The following ITFG2 variants were observed in gnomAD, a reference collection of about 807,000 sequenced individuals.
ITFG2 encodes integrin alpha FG-GAP repeat containing 2.
A neutral mutation model predicts 54.4 loss-of-function variants in ITFG2; 36 were observed. That is an observed-to-expected ratio of 0.66 (90% confidence interval 0.51 to 0.87). The LOEUF (loss-of-function observed/expected upper bound fraction) is 0.87. Ranked by LOEUF, ITFG2 falls within the 40% of genes least tolerant of loss-of-function variation. The probability of loss-of-function intolerance (pLI) is 0.00; values close to 1 mark genes in which losing one functional copy is unlikely to be tolerated. For synonymous variants in ITFG2, 211 were observed against 225.4 expected (o/e 0.94, Z 0.57); for missense variants, 524 against 576.7 (o/e 0.91, Z 0.94).
At chr12:2,837,471 C>T (rs894723123) in intron 1 of ITFG2, among the ~76,000 whole-genome samples, 16 of 151,284 alleles carry the variant, frequency 1.1e-4, no homozygotes, top group Admixed American at 9.9e-4. Context: ...GAGAGAGACT[C>T]CGTCTCAAAA....
At chr12:2,842,071 A>G (rs2098042419) in intron 2 of ITFG2, among the ~76,000 whole-genome samples, 2 of 150,162 alleles carry the variant, frequency 1.3e-5, no homozygotes, top group Admixed American at 6.6e-5. Context: ...TAAAAACAAT[A>G]ATATAATAAT....
At chr12:2,847,663 CAAAAA>C (rs76285511) in intron 2 of ITFG2, among the ~76,000 whole-genome samples, 4 of 83,114 alleles carry the variant, frequency 4.8e-5, no homozygotes, top group East Asian at 3.9e-4. Context: ...TAAGACTGTC[CAAAAA>C]AAAAAAAAAA....
At chr12:2,821,451 C>T in intron 7 of ITFG2, 92 bp downstream of exon 7, 2 of 1,558,322 alleles carry the variant, frequency 1.3e-6, no homozygotes, top group Non-Finnish European at 1.8e-6. Context: ...CATTTCGAGC[C>T]CTGTCCTTCC....
chr12:2,840,505 A>G (rs1489152623), intron 1 of ITFG2, among the ~76,000 whole-genome samples: 2 of 151,188 alleles, frequency 1.3e-5, no homozygotes, highest in East Asian at 3.9e-4. Flanking sequence ...CCATAAACTC[A>G]ATATAATTCT....
At chr12:2,859,397 TGGGGTG>T in intron 3 of ITFG2, 1 of 1,613,860 alleles carries the variant, frequency 6.2e-7, no homozygotes, top group Non-Finnish European at 8.5e-7. Flanking sequence ...TCTTGGGTCT[TGGGGTG>T]GGAGATTGGG....
At chr12:2,855,282 C>G in intron 2 of ITFG2, 1 of 1,520,164 alleles carries the variant, frequency 6.6e-7, no homozygotes, top group Non-Finnish European at 8.8e-7. Context: ...GGATGAGCCG[C>G]TGACGCACCT....
upstream of ITFG2, among the ~76,000 whole-genome samples, chr12:2,832,403 C>G (rs1410464210): frequency 6.6e-6 from 1 of 151,954 alleles, no homozygotes. Context: ...GCCTCCATGT[C>G]TTCACTCCTC....
At chr12:2,827,116 C>T, downstream of ITFG2, 2 of 1,587,262 alleles carry the variant, frequency 1.3e-6, no homozygotes, top group Admixed American at 1.8e-5. This position sits in a 1 kb window ranked among gnomAD's most constrained non-coding sequence, Gnocchi z 4.0. Context: ...CACCATAGTC[C>T]CCAGCTACCT....
chr12:2,853,771 A>G (rs2098078800), intron 2 of ITFG2, among the ~76,000 whole-genome samples: 1 of 151,988 alleles, frequency 6.6e-6, no homozygotes, highest in Non-Finnish European at 1.5e-5. Flanking sequence ...GTTGGGAAGC[A>G]TCCGTGAGTT....
chr12:2,858,442 A>C, intron 3 of ITFG2: 1 of 556,740 alleles, frequency 1.8e-6, no homozygotes, highest in Non-Finnish European at 3.2e-6. Flanking sequence ...CAGCAGAGGA[A>C]TCAGATACTC....
chr12:2,851,569 C>T (rs2098071112), intron 2 of ITFG2, among the ~76,000 whole-genome samples: 1 of 152,182 alleles, frequency 6.6e-6, no homozygotes, highest in South Asian at 2.1e-4. Flanking sequence ...CCTTGAACTC[C>T]TGACCTCAGG....
chr12:2,858,849 G>A lies in ITFG2; in HGVS notation n.620+518G>A, dbSNP rs771746117. 13 of 1,614,152 alleles carry A rather than the reference G, an allele frequency of 8.1e-6. No individual in the cohort carries two copies. Among genetic ancestry groups the A allele is most frequent in the Non-Finnish European group, 1.0e-5 (12 of 1,180,012 alleles). ...TGGCTTGGGGACGTCTATATCTGAG[G>A]GAGAAGAGTTGCCAAAGGGGACGGA... is the stretch of plus-strand genomic sequence containing the variant. On this transcript the variant is annotated intron_variant and non_coding_transcript_variant, in intron 3 of 3. Coordinates refer to the ITFG2 transcript ENST00000537710.
At chr12:2,844,638 C>T (rs1026566451) in intron 2 of ITFG2, among the ~76,000 whole-genome samples, 5 of 152,170 alleles carry the variant, frequency 3.3e-5, no homozygotes, top group Non-Finnish European at 5.9e-5. Context: ...ACAGGACCTA[C>T]CTTCAGCACT....
intron 2 of ITFG2, among the ~76,000 whole-genome samples, chr12:2,843,252 A>G (rs1043815844): frequency 6.6e-6 from 1 of 152,208 alleles, no homozygotes; most frequent in Admixed American, 6.5e-5. Flanking sequence ...GAAGACAGGA[A>G]TGAAGTTGTT....
At chr12:2,816,326 C>T (rs887188092) in intron 1 of ITFG2, among the ~76,000 whole-genome samples, 1 of 141,228 alleles carries the variant, frequency 7.1e-6, no homozygotes, top group Non-Finnish European at 1.5e-5. Flanking sequence ...TCACCGCACA[C>T]AGCCTTTTTT....
intron 3 of ITFG2, chr12:2,858,921 AG>A (rs745702333): frequency 1.2e-6 from 2 of 1,613,648 alleles, no homozygotes; most frequent in Non-Finnish European, 8.5e-7. Context: ...CGGTGATTCA[AG>A]GGGGGGAGCA....
At chr12:2,823,322 A>G (rs1442853498) in intron 10 of ITFG2, among the ~76,000 whole-genome samples, 1 of 152,144 alleles carries the variant, frequency 6.6e-6, no homozygotes, top group Non-Finnish European at 1.5e-5. Context: ...CTCCTAGAGC[A>G]TTTTCATTAG....
downstream of ITFG2, chr12:2,827,726 A>G (rs1268653429): frequency 1.2e-6 from 2 of 1,613,024 alleles, no homozygotes; most frequent in Non-Finnish European, 8.5e-7. The surrounding 1 kb of genome is among the most constrained non-coding windows in gnomAD (Gnocchi z 4.0). Context: ...CCCAGTGGTC[A>G]CTGCTGCCCT....
Position 2,824,133 on chromosome 12 carries a change from G to A in ITFG2, c.1284G>A (p.Thr428=), listed in dbSNP as rs781757183. Residue 428 remains threonine, a synonymous_variant, in exon 12 of 12, where the codon ACG becomes ACA. Transcript: ENST00000228799. ...LPVTRALLHQ[T]LYHPDQPPQC... Reference sequence around the variant, plus strand: ...TGACTCGTGCCCTGCTTCACCAAACGCTCTACCATCCAGACCAGCCACCAC... The same window carrying A: ...TGACTCGTGCCCTGCTTCACCAAACACTCTACCATCCAGACCAGCCACCAC... 8.1e-6 allele frequency: 13 copies of A among 1,614,038 alleles called. No homozygotes were observed. The South Asian group carries it at 8.8e-5, about 11-fold the overall frequency.
Sources: gnomAD v4.1 joint callset for allele counts (sites outside exome capture counted in the v4.1 genomes callset) on GRCh38, gnomAD v4.1.1 for gene constraint, Gnocchi (gnomAD v3.1) non-coding constraint, MANE v1.5 for transcripts, NCBI Gene and HGNC (gene_info 2026-07-23, HGNC 2026-07-21) for gene names.